The following FER variants were observed in gnomAD, a reference collection of about 807,000 sequenced individuals.
FER encodes FER tyrosine kinase.
A neutral mutation model predicts 111.0 loss-of-function variants in FER; 63 were observed. The ratio of observed to expected loss-of-function variants is 0.57; its 90% CI spans 0.46 to 0.70. FER has a LOEUF of 0.70. Ranked by LOEUF, FER falls within the 30% of genes least tolerant of loss-of-function variation. The pLI is 0.00. For missense variants in FER, 914 were observed against 954.0 expected (o/e 0.96, Z 0.55); for synonymous variants, 327 against 313.9 (o/e 1.04, Z -0.44).
chr5:108,997,155 T>G (rs1764096415), intron 13 of FER, among the ~76,000 whole-genome samples: 1 of 151,620 alleles, frequency 6.6e-6, no homozygotes, highest in Non-Finnish European at 1.5e-5. Context: ...AAGGAGATTT[T>G]GGGCTGAGGG....
intron 1 of FER, among the ~76,000 whole-genome samples, chr5:108,759,644 T>C (rs1172001685): frequency 6.6e-6 from 1 of 152,222 alleles, no homozygotes; most frequent in Admixed American, 6.5e-5. Flanking sequence ...ATGAGGGCCT[T>C]CTTGCTGTGT....
intron 10 of FER, among the ~76,000 whole-genome samples, chr5:108,909,783 A>G (rs1338869166): frequency 4.6e-5 from 7 of 150,772 alleles, no homozygotes; most frequent in East Asian, 3.9e-4. Context: ...ATGTATTTAT[A>G]TATGTATCAT....
chr5:108,981,862 C>G (rs984157542), intron 13 of FER, among the ~76,000 whole-genome samples: 2 of 152,062 alleles, frequency 1.3e-5, no homozygotes, highest in Non-Finnish European at 2.9e-5. Context: ...GCTGCCTCTC[C>G]AAGTGGCATC....
chr5:108,938,026 T>C (rs73780777), intron 10 of FER, among the ~76,000 whole-genome samples: 1 of 130,826 alleles, frequency 7.6e-6, no homozygotes, highest in Non-Finnish European at 1.6e-5. Flanking sequence ...TATCTCTCTC[T>C]CACACACACA....
chr5:108,982,319 A>G (rs747435641), intron 13 of FER, among the ~76,000 whole-genome samples: 2 of 152,106 alleles, frequency 1.3e-5, no homozygotes, highest in Non-Finnish European at 2.9e-5. Flanking sequence ...GATGGAGAAT[A>G]TAGTAGGAGT....
chr5:108,926,597 A>G, intron 10 of FER, among the ~76,000 whole-genome samples: 1 of 152,186 alleles, frequency 6.6e-6, no homozygotes, highest in East Asian at 1.9e-4. Flanking sequence ...AGCCTTGATG[A>G]TTTATCTTGG....
intron 9 of FER, 138 bp from the exon 10 acceptor site, chr5:108,897,521 C>A: frequency 1.7e-6 from 1 of 589,016 alleles, no homozygotes; most frequent in East Asian, 3.3e-5. Context: ...AACTTAAAAT[C>A]TGCTTAGTTT....
rs3816024 is a variant in FER, at chr5:109,100,313, A to G, written c.1925-83A>G. On this transcript the variant is annotated intron_variant, in intron 16 of 19. Transcript: ENST00000281092. ...ATGTGTAATGCATTTTGCTCTGTCA[A>G]ATATTCCTAATAGATCCAAATAGAT... 194,513 of 1,539,268 alleles carry G rather than the reference A, an allele frequency of 0.13. 13,082 individuals are homozygous for G. Among genetic ancestry groups the G allele is most frequent in the Non-Finnish European group, 0.13 (152,733 of 1,131,992 alleles).
intron 5 of FER, among the ~76,000 whole-genome samples, chr5:108,840,028 C>T (rs1371561397): frequency 2.0e-5 from 3 of 151,906 alleles, no homozygotes; most frequent in African/African-American, 4.8e-5. Context: ...TTAAAACAAA[C>T]GTAGAAATTA....
intron 3 of FER, among the ~76,000 whole-genome samples, chr5:108,799,262 A>G (rs930271013): frequency 1.3e-5 from 2 of 152,258 alleles, no homozygotes; most frequent in East Asian, 3.8e-4. Flanking sequence ...TTGAAGAAGA[A>G]ATATTAAACT....
chr5:108,767,972 G>A (rs147631910), intron 1 of FER, 121 bp from the exon 2 acceptor site: 6 of 152,270 alleles, frequency 3.9e-5, no homozygotes, highest in East Asian at 1.9e-4. Context: ...TATTTTTAAC[G>A]TAGCAATTGT....
At chr5:108,759,325 A>T (rs151213615) in intron 1 of FER, among the ~76,000 whole-genome samples, 2 of 152,320 alleles carry the variant, frequency 1.3e-5, no homozygotes, top group Non-Finnish European at 2.9e-5. Flanking sequence ...TTTCTGTCTG[A>T]GACCTCATCA....
At chr5:108,869,892 A>G (rs1203890699) in intron 6 of FER, among the ~76,000 whole-genome samples, 1 of 152,140 alleles carries the variant, frequency 6.6e-6, no homozygotes, top group Non-Finnish European at 1.5e-5. Flanking sequence ...GATCCTCCAT[A>G]TTCACATAAG....
intron 17 of FER, among the ~76,000 whole-genome samples, chr5:109,153,322 T>C (rs893083382): frequency 1.3e-5 from 2 of 151,956 alleles, no homozygotes; most frequent in African/African-American, 4.8e-5. Context: ...GTTGTACATA[T>C]ACATACAGAG....
intron 13 of FER, among the ~76,000 whole-genome samples, chr5:109,005,716 T>C (rs1334402986): frequency 2.6e-5 from 4 of 152,214 alleles, no homozygotes; most frequent in Non-Finnish European, 4.4e-5. Context: ...AATGAAAGCA[T>C]ACTGAACACA....
intron 16 of FER, among the ~76,000 whole-genome samples, chr5:109,088,450 C>G (rs1777802493): frequency 6.6e-6 from 1 of 152,114 alleles, no homozygotes; most frequent in Non-Finnish European, 1.5e-5. Flanking sequence ...ATTTTCCTCC[C>G]TCTCAGGTAC....
chr5:109,108,652 G>A (rs1463617772), intron 17 of FER, among the ~76,000 whole-genome samples: 17 of 152,140 alleles, frequency 1.1e-4, no homozygotes, highest in Non-Finnish European at 1.3e-4. Context: ...AAACTTGGCT[G>A]ACCATTGGTT....
chr5:108,970,269 G>A (rs1760458628), intron 13 of FER, among the ~76,000 whole-genome samples: 1 of 151,546 alleles, frequency 6.6e-6, no homozygotes, highest in Non-Finnish European at 1.5e-5. Context: ...AGGCTGGAGT[G>A]CAGTGGCGCA....
chr5:108,940,882 A>G (rs1756163148), intron 10 of FER, among the ~76,000 whole-genome samples: 1 of 152,074 alleles, frequency 6.6e-6, no homozygotes, highest in African/African-American at 2.4e-5. Flanking sequence ...TCACTTACAA[A>G]AGAATATAAG....
Sources: allele counts gnomAD v4.1 joint callset (sites outside exome capture counted in the v4.1 genomes callset), GRCh38; gene constraint gnomAD v4.1.1; transcripts MANE v1.5; gene names NCBI Gene and HGNC (gene_info 2026-07-23, HGNC 2026-07-21).